Variants in CPNE4 observed in about 807,000 individuals in gnomAD.
The protein encoded by CPNE4 is copine-4.
A neutral mutation model predicts 67.9 loss-of-function variants in CPNE4; 25 were observed. That is an observed-to-expected ratio of 0.37 (90% CI 0.27 to 0.51). The LOEUF (loss-of-function observed/expected upper bound fraction) is 0.51, where lower values mean the gene tolerates loss of function less well. Among genes scored for constraint, CPNE4 ranks in the 20% least tolerant of loss-of-function variants. The pLI, the probability that CPNE4 is intolerant of heterozygous loss-of-function variation, is 0.93. For missense variants in CPNE4, 464 were observed against 690.8 expected (o/e 0.67, Z 3.68); for synonymous variants, 242 against 244.9 (o/e 0.99, Z 0.11).
intron 3 of CPNE4, among the ~76,000 whole-genome samples, chr3:131,701,610 A>G (rs1366720687): frequency 6.6e-6 from 1 of 152,196 alleles, no homozygotes; most frequent in East Asian, 1.9e-4. Flanking sequence ...TAGACAGACC[A>G]TGTGGCAAGA....
intron 2 of CPNE4, among the ~76,000 whole-genome samples, chr3:131,725,554 G>C (rs1373778102): frequency 6.6e-6 from 1 of 152,180 alleles, no homozygotes; most frequent in East Asian, 1.9e-4. Flanking sequence ...TTCATTCAGA[G>C]GGTGATGGGA....
At chr3:131,698,670 G>A (rs1385566088) in intron 4 of CPNE4, among the ~76,000 whole-genome samples, 3 of 151,382 alleles carry the variant, frequency 2.0e-5, no homozygotes, top group African/African-American at 7.3e-5. Context: ...CCAGCACTTT[G>A]GGAAGCCGAG....
intron 2 of CPNE4, among the ~76,000 whole-genome samples, chr3:131,859,846 C>G (rs1200091127): frequency 1.3e-5 from 2 of 152,120 alleles, no homozygotes; most frequent in African/African-American, 2.4e-5. Context: ...GTAGGGAAAA[C>G]ATGCAAAGAG....
intron 2 of CPNE4, among the ~76,000 whole-genome samples, chr3:131,732,053 T>C (rs985228261): frequency 2.6e-5 from 4 of 152,164 alleles, no homozygotes; most frequent in Admixed American, 2.6e-4. Context: ...GTAGAACCAA[T>C]AATACTATAT....
At chr3:131,795,929 A>T (rs1334981490) in intron 2 of CPNE4, among the ~76,000 whole-genome samples, 2 of 152,188 alleles carry the variant, frequency 1.3e-5, no homozygotes, top group African/African-American at 4.8e-5. Context: ...TATGCTTCCC[A>T]GTCTGTCAGA....
chr3:131,831,550 C>T (rs2085369041), intron 2 of CPNE4, among the ~76,000 whole-genome samples: 1 of 152,158 alleles, frequency 6.6e-6, no homozygotes, highest in Non-Finnish European at 1.5e-5. Flanking sequence ...TATTGCTGGC[C>T]TAATGTTCTG....
At chr3:131,818,793 T>A (rs12054058) in intron 2 of CPNE4, among the ~76,000 whole-genome samples, 11,339 of 152,248 alleles carry the variant, frequency 0.074, 571 homozygotes, top group East Asian at 0.17. Context: ...CTGCCATAAA[T>A]TAAGTAAGTG....
chr3:131,684,449 A>G (rs2080836275), intron 6 of CPNE4, among the ~76,000 whole-genome samples: 1 of 152,120 alleles, frequency 6.6e-6, no homozygotes, highest in African/African-American at 2.4e-5. Context: ...AACAGCATTT[A>G]TTTATTTATT....
chr3:131,669,745 C>T lies in CPNE4; in HGVS notation c.611G>A (p.Ser204Asn), dbSNP rs901929502. Residue 204 changes from serine (S) to asparagine (N), a missense_variant, in exon 7 of 16, where the codon AGC (serine) becomes AAC (asparagine). Transcript: ENST00000429747. ...TACTTTGAATGATTTCCAGGCTGGG[C>T]TTAAGTTATTCATCACAACCTGGGA... ...HRTEVVMNNL[S>N]PAWKSFKVSV... is the part of the protein sequence containing the mutation. 2 of 1,613,486 alleles carry T rather than the reference C, an allele frequency of 1.2e-6. No individual in the cohort carries two copies. The highest frequency in any genetic ancestry group is 2.2e-5 in the East Asian group (1 of 44,864).
chr3:131,633,416 G>T (rs1465404657), intron 7 of CPNE4, among the ~76,000 whole-genome samples: 1 of 152,016 alleles, frequency 6.6e-6, no homozygotes, highest in Non-Finnish European at 1.5e-5. Flanking sequence ...TTGACCTCTG[G>T]TTAGGACTAG....
At chr3:131,758,397 C>A (rs1234144629) in intron 2 of CPNE4, among the ~76,000 whole-genome samples, 1 of 152,072 alleles carries the variant, frequency 6.6e-6, no homozygotes, top group Non-Finnish European at 1.5e-5. Context: ...TTGCATGGAC[C>A]CTGTAACGTC....
intron 1 of CPNE4, among the ~76,000 whole-genome samples, chr3:132,001,635 G>GA (rs975767256): frequency 6.6e-6 from 1 of 150,642 alleles, no homozygotes; most frequent in Non-Finnish European, 1.5e-5. Context: ...AGGAAGAGGA[G>GA]AAAAAAAGAA....
chr3:131,601,696 CTT>C, intron 7 of CPNE4, among the ~76,000 whole-genome samples: 1 of 152,274 alleles, frequency 6.6e-6, no homozygotes, highest in African/African-American at 2.4e-5. Flanking sequence ...TCTCTACTCT[CTT>C]GTTTACATGA....
intron 1 of CPNE4, among the ~76,000 whole-genome samples, chr3:131,974,227 A>G (rs1167542445): frequency 6.6e-6 from 1 of 152,206 alleles, no homozygotes; most frequent in Non-Finnish European, 1.5e-5. Context: ...GAGGTTAATG[A>G]AAGTCCTTAA....
intron 2 of CPNE4, among the ~76,000 whole-genome samples, chr3:131,788,614 C>G (rs1204040586): frequency 1.3e-5 from 2 of 152,006 alleles, no homozygotes; most frequent in Admixed American, 1.3e-4. Flanking sequence ...AGTCTTTCAT[C>G]CAACCAGTCT....
chr3:131,537,116 A>T (rs1935192673), intron 15 of CPNE4, among the ~76,000 whole-genome samples: 2 of 152,198 alleles, frequency 1.3e-5, no homozygotes. Flanking sequence ...ATAATTAAAA[A>T]TCACCAAAAT....
intron 2 of CPNE4, among the ~76,000 whole-genome samples, chr3:131,769,289 G>A (rs998568009): frequency 2.6e-5 from 4 of 152,118 alleles, no homozygotes; most frequent in African/African-American, 7.2e-5. Flanking sequence ...TCAAGGTTCT[G>A]GGAAGATGTG....
At chr3:131,938,306 G>A (rs985021408) in intron 1 of CPNE4, among the ~76,000 whole-genome samples, 33 of 151,864 alleles carry the variant, frequency 2.2e-4, no homozygotes, top group Non-Finnish European at 4.9e-4. Context: ...GTAGTGAACT[G>A]TGATCGTACC....
At chr3:131,650,358 T>C (rs1266078922) in intron 7 of CPNE4, among the ~76,000 whole-genome samples, 2 of 151,846 alleles carry the variant, frequency 1.3e-5, no homozygotes, top group Admixed American at 6.6e-5. Context: ...TACTAGAGGG[T>C]GAGAGTTATA....
Sources: allele counts gnomAD v4.1 joint callset (sites outside exome capture counted in the v4.1 genomes callset), GRCh38; gene constraint gnomAD v4.1.1; transcripts MANE v1.5; gene names NCBI Gene and HGNC (gene_info 2026-07-23, HGNC 2026-07-21).